The following USP40 variants were observed in gnomAD, a reference collection of about 807,000 sequenced individuals.
USP40 encodes ubiquitin carboxyl-terminal hydrolase 40.
Under a neutral mutation model 166.2 loss-of-function variants are expected in USP40, and 143 were observed. The ratio of observed to expected loss-of-function variants is 0.86; its 90% confidence interval spans 0.75 to 0.99. The LOEUF (loss-of-function observed/expected upper bound fraction) is 0.99. USP40 is among the 50% of genes least tolerant of loss of function. USP40 has a pLI of 0.00. For synonymous variants in USP40, 498 were observed against 524.0 expected (o/e 0.95, Z 0.68); for missense variants, 1,444 against 1,479.7 (o/e 0.98, Z 0.40).
intron 10 of USP40, among the ~76,000 whole-genome samples, chr2:233,540,315 T>C (rs953647533): frequency 6.6e-5 from 10 of 152,254 alleles, no homozygotes; most frequent in Admixed American, 2.0e-4. Flanking sequence ...TTTGATACCA[T>C]AGATAAAAAG....
intron 1 of USP40, 66 bp from the exon 2 acceptor site, chr2:233,565,639 T>C (rs1338389098): frequency 9.8e-6 from 13 of 1,331,176 alleles, no homozygotes; most frequent in Non-Finnish European, 1.3e-5. Context: ...CCCCCTACCT[T>C]ACACTTGGGA....
chr2:233,491,672 C>T (rs1412767000), intron 25 of USP40, among the ~76,000 whole-genome samples: 1 of 151,864 alleles, frequency 6.6e-6, no homozygotes, highest in East Asian at 1.9e-4. Flanking sequence ...TCTGCCTCCT[C>T]AAAACAACAG....
At chr2:233,478,866 A>G (rs145049095) in intron 31 of USP40, among the ~76,000 whole-genome samples, 1 of 152,344 alleles carries the variant, frequency 6.6e-6, no homozygotes, top group East Asian at 1.9e-4. Flanking sequence ...CTGAAAGGAC[A>G]TGCAGGTGAC....
chr2:233,508,473 T>A (rs893697311), intron 21 of USP40, among the ~76,000 whole-genome samples: 4 of 152,234 alleles, frequency 2.6e-5, no homozygotes, highest in Non-Finnish European at 5.9e-5. Flanking sequence ...GTATTTCCTA[T>A]AAATTGGTAA....
chr2:233,491,019 TG>T, intron 26 of USP40, 147 bp downstream of exon 26: 1 of 745,994 alleles, frequency 1.3e-6, no homozygotes, highest in Non-Finnish European at 2.4e-6. Flanking sequence ...GTGTATTGCC[TG>T]CGGGTACTTA....
chr2:233,509,911 G>A, intron 21 of USP40, 138 bp downstream of exon 21: 2 of 571,956 alleles, frequency 3.5e-6, no homozygotes, highest in Non-Finnish European at 6.1e-6. Context: ...TTCCTCTAGT[G>A]AGTACATATA....
intron 10 of USP40, among the ~76,000 whole-genome samples, chr2:233,535,135 G>C (rs2068844573): frequency 6.6e-6 from 1 of 152,116 alleles, no homozygotes; most frequent in Non-Finnish European, 1.5e-5. Flanking sequence ...GAGAATACCA[G>C]AGAGGCGAGA....
In USP40 at chr2:233,475,592, TAAAA is replaced by T. The variant is rs546850093; in HGVS notation, c.*1796_*1799del. 2.6e-5 allele frequency: 4 copies of T among 152,050 alleles called. No homozygotes were observed. The East Asian group carries it at 7.6e-4, about 29-fold the overall frequency. 9.4% of individuals were successfully genotyped at this position (152,050 alleles called of 1,614,324 possible). ...CGTACAGCTTTCTCAATCCCCAAAT[TAAAA>T]AAACAGAAAACAGGAAGAAAGGGAA... is the stretch of plus-strand genomic sequence containing the variant. On this transcript the variant is annotated 3_prime_UTR_variant, in exon 32 of 32. Transcript: ENST00000678225.
chr2:233,517,372 A>T (rs2067273921), intron 18 of USP40, among the ~76,000 whole-genome samples: 1 of 146,366 alleles, frequency 6.8e-6, no homozygotes, highest in African/African-American at 2.5e-5. Flanking sequence ...ATACTTGCAC[A>T]TGCATGGTTT....
intron 21 of USP40, among the ~76,000 whole-genome samples, chr2:233,508,218 C>T (rs958891756): frequency 3.3e-5 from 5 of 152,136 alleles, no homozygotes; most frequent in Non-Finnish European, 5.9e-5. Flanking sequence ...TTTCTTAATA[C>T]CAGCAAATAT....
chr2:233,483,115 G>T (rs1473396979), intron 30 of USP40, among the ~76,000 whole-genome samples: 2 of 152,134 alleles, frequency 1.3e-5, no homozygotes, highest in Non-Finnish European at 2.9e-5. Flanking sequence ...TGTTTTTTAT[G>T]ATTTCCTTTG....
chr2:233,482,346 AGAGT>A (rs1456152929), intron 30 of USP40, among the ~76,000 whole-genome samples: 1 of 151,426 alleles, frequency 6.6e-6, no homozygotes, highest in African/African-American at 2.4e-5. Context: ...CCTGGGTGAC[AGAGT>A]GAGACTCTGT....
intron 21 of USP40, among the ~76,000 whole-genome samples, chr2:233,507,475 C>T (rs1398203019): frequency 6.6e-6 from 1 of 152,064 alleles, no homozygotes; most frequent in African/African-American, 2.4e-5. Context: ...ATATACACAA[C>T]AGGGTACTAT....
chr2:233,557,128 G>A, intron 4 of USP40, 109 bp from the exon 5 acceptor site: 2 of 984,990 alleles, frequency 2.0e-6, no homozygotes, highest in Non-Finnish European at 3.0e-6. Flanking sequence ...GCAATCTGAA[G>A]ATCAGATATA....
intron 21 of USP40, among the ~76,000 whole-genome samples, chr2:233,509,611 C>T (rs929399857): frequency 6.6e-6 from 1 of 151,884 alleles, no homozygotes; most frequent in African/African-American, 2.4e-5. Context: ...GAGGCCGAGG[C>T]GGGTGGATCA....
intron 10 of USP40, among the ~76,000 whole-genome samples, chr2:233,537,762 A>C (rs2069037674): frequency 6.6e-6 from 1 of 152,216 alleles, no homozygotes; most frequent in South Asian, 2.1e-4. Context: ...TTCAGACAAA[A>C]TCTGAAAGCA....
In USP40 at chr2:233,489,495, A is replaced by G; in HGVS notation, c.3013-12T>C. The G allele has an allele frequency of 2.5e-6, 4 of 1,575,824 alleles. No homozygotes were observed. Among genetic ancestry groups the G allele is most frequent in the Middle Eastern group, 1.7e-4 (1 of 5,968 alleles). ...GGCAAGGTCATGGCCTAGAAAAAGAAACAGACATTTCTCCAACGGTTTTAA... is the reference window on the plus strand; with the variant it reads ...GGCAAGGTCATGGCCTAGAAAAAGAGACAGACATTTCTCCAACGGTTTTAA... On this transcript the variant is annotated splice_polypyrimidine_tract_variant and intron_variant, in intron 26 of 31. Coordinates refer to ENST00000678225, the MANE Select transcript of USP40 (RefSeq NM_001365479.2).
At chr2:233,512,738 A>G in intron 18 of USP40, 116 bp from the exon 19 acceptor site, 1 of 482,912 alleles carries the variant, frequency 2.1e-6, no homozygotes, top group South Asian at 5.2e-5. Flanking sequence ...CAAAAGAGAG[A>G]TGCTCTATTG....
At chr2:233,554,796 G>A (rs943125412) in intron 5 of USP40, among the ~76,000 whole-genome samples, 39 of 152,088 alleles carry the variant, frequency 2.6e-4, no homozygotes, top group African/African-American at 9.2e-4. Flanking sequence ...GTTTTATGAG[G>A]AAATATAAAC....
Sources: allele counts gnomAD v4.1 joint callset (sites outside exome capture counted in the v4.1 genomes callset), GRCh38; gene constraint gnomAD v4.1.1; transcripts MANE v1.5; gene names NCBI Gene and HGNC (gene_info 2026-07-23, HGNC 2026-07-21).